CKAP5: variants seen among roughly 807,000 people sequenced by gnomAD.
CKAP5 encodes cytoskeleton associated protein 5.
CKAP5 carries 27 observed loss-of-function variants against 232.8 expected under a neutral mutation model. The observed-to-expected ratio is 0.12, with a 90% CI of 0.09 to 0.16. The LOEUF is 0.16. Among genes scored for constraint, CKAP5 ranks in the 10% least tolerant of loss-of-function variants. CKAP5 has a pLI of 1.00. For missense variants in CKAP5, 1,838 were observed against 2,424.7 expected (o/e 0.76, Z 5.08); for synonymous variants, 785 against 841.1 (o/e 0.93, Z 1.16).
Position 46,809,755 on chromosome 11 carries a change from T to C in CKAP5, c.750A>G (p.Gly250=). ...AAATTGGCTTACCTCCTTCAGCATC[T>C]CCACCAGCAGACTGTTGTTGTTCCA... ...AKLEQQQSAG[G]DAEGGGDDGD... Residue 250 remains glycine (G), a synonymous_variant, in exon 6 of 44, where the codon GGA becomes GGG. Transcript: ENST00000529230. The C allele has an allele frequency of 6.2e-7, 1 of 1,613,754 alleles. No individual in the cohort carries two copies. The highest frequency in any genetic ancestry group is 8.5e-7 in the Non-Finnish European group (1 of 1,179,948).
At position 46,762,692 on chromosome 11, in the gene CKAP5, G is replaced by C. The variant is rs768003233; in HGVS notation, c.3962C>G (p.Pro1321Arg). 1 of 1,613,992 alleles carries C rather than the reference G, an allele frequency of 6.2e-7. No individual in the cohort carries two copies. The highest frequency in any genetic ancestry group is 8.5e-7 in the Non-Finnish European group (1 of 1,179,852). The change falls in exon 31 of 44, where the codon CCA becomes CGA. Residue 1321 changes from proline (P) to arginine (R), a missense_variant. This residue lies in a region of CKAP5 where 579 missense variants were observed against 843.2 expected (regional missense o/e 0.69). Coordinates refer to ENST00000529230, the MANE Select transcript of CKAP5 (RefSeq NM_001008938.4). ...GATAAAGGGAAACATCTTGCTAGCT[G>C]GGTAGACAAGGCACATCCGGTTCAG... ...AILNRMCLVY[P>R]ASKMFPFIME...
intron 14 of CKAP5, 60 bp from the exon 15 acceptor site, chr11:46,790,246 C>G: frequency 8.6e-7 from 1 of 1,166,328 alleles, no homozygotes; most frequent in Non-Finnish European, 1.3e-6. Context: ...ATGACAAGAA[C>G]GTAAACATAC....
chr11:46,814,467 A>T (rs1939353766), intron 4 of CKAP5, among the ~76,000 whole-genome samples: 1 of 152,260 alleles, frequency 6.6e-6, no homozygotes, highest in South Asian at 2.1e-4. Context: ...CTTTCACAGA[A>T]GATAAACACC....
At chr11:46,744,691 G>A (rs1460754021) in intron 42 of CKAP5, 114 bp from the exon 43 acceptor site, 5 of 973,678 alleles carry the variant, frequency 5.1e-6, no homozygotes, top group Admixed American at 2.5e-5. Flanking sequence ...ACTTGAAAAC[G>A]ACAAATTCCA....
intron 26 of CKAP5, 108 bp downstream of exon 26, chr11:46,769,855 G>C: frequency 8.2e-7 from 1 of 1,216,136 alleles, no homozygotes; most frequent in Admixed American, 2.1e-5. Context: ...AGGAGAGCTT[G>C]GATCTACGCT....
At chr11:46,830,440 CAAAAAA>C (rs71042623) in intron 1 of CKAP5, among the ~76,000 whole-genome samples, 5 of 67,900 alleles carry the variant, frequency 7.4e-5, no homozygotes, top group African/African-American at 1.1e-4. Flanking sequence ...GACTCCGTCT[CAAAAAA>C]AAAAAAAAAA....
chr11:46,762,362 C>T (rs1019956865), intron 31 of CKAP5, 169 bp from the exon 32 acceptor site: 1 of 883,408 alleles, frequency 1.1e-6, no homozygotes, highest in Non-Finnish European at 1.9e-6. Flanking sequence ...GGTATTTCAG[C>T]AAGTGCTCCT....
intron 1 of CKAP5, among the ~76,000 whole-genome samples, chr11:46,837,171 T>A (rs938265986): frequency 1.3e-5 from 2 of 152,194 alleles, no homozygotes; most frequent in South Asian, 4.1e-4. Context: ...TGTATATCCA[T>A]ATATAATGGA....
chr11:46,838,827 A>C (rs1939980242), intron 1 of CKAP5, among the ~76,000 whole-genome samples: 1 of 145,818 alleles, frequency 6.9e-6, no homozygotes, highest in African/African-American at 2.5e-5. Context: ...AAAATTGCTG[A>C]GCCACCATTG....
rs769924107 is a variant in CKAP5, at chr11:46,753,370, C to T, written c.4997G>A (p.Arg1666His). ...EDLEEGQQVI[R>H]SVNLLVVKVL... ...CTTCACCACCAAGAGGTTCACAGAG[C>T]GGATGACCTGTTGTCCTTCCTCAAG... Residue 1666 changes from arginine to histidine, a missense_variant, in exon 37 of 44, where the codon CGC becomes CAC. By Grantham distance (29) the Arg-to-His change is conservative. Around this residue, in one of 6 missense-constraint regions of CKAP5, gnomAD observed 579 missense variants for 843.2 expected, o/e 0.69. Coordinates refer to ENST00000529230, the MANE Select transcript of CKAP5 (RefSeq NM_001008938.4). The T allele has an allele frequency of 1.2e-6, 2 of 1,613,952 alleles. No individual in the cohort carries two copies. Among genetic ancestry groups the T allele is most frequent in the South Asian group, 1.1e-5 (1 of 91,056 alleles).
chr11:46,781,815 T>C (rs1036057849), intron 18 of CKAP5, among the ~76,000 whole-genome samples: 8 of 152,016 alleles, frequency 5.3e-5, no homozygotes, highest in African/African-American at 1.7e-4. Flanking sequence ...AACATATATA[T>C]GTAAAAAAAA....
In CKAP5 at chr11:46,770,225, G is replaced by A. The variant is rs540791529; in HGVS notation, c.3187-127C>T. The A allele has an allele frequency of 5.5e-6, 5 of 910,808 alleles. No homozygotes were observed. In the South Asian group the frequency reaches 7.7e-5, roughly 14 times the overall value. 56.4% of individuals were successfully genotyped at this position (910,808 alleles called of 1,614,324 possible). A position where few individuals can be genotyped will look rare whatever the true frequency, so the allele number is the denominator to read the frequency against. ...AGTTTTGAAATACCACTGAAGTAAG[G>A]GAGGCAGTACATGGTGTCAGAGAAG... On this transcript the variant is annotated intron_variant, in intron 25 of 43. Transcript: ENST00000529230.
At chr11:46,764,339 T>C (rs1171466345) in intron 28 of CKAP5, among the ~76,000 whole-genome samples, 3 of 152,212 alleles carry the variant, frequency 2.0e-5, no homozygotes, top group Non-Finnish European at 2.9e-5. Context: ...ACAGCAGCAG[T>C]GTTTGTAATA....
At chr11:46,817,049 T>C (rs943849657) in intron 3 of CKAP5, among the ~76,000 whole-genome samples, 1 of 150,602 alleles carries the variant, frequency 6.6e-6, no homozygotes, top group African/African-American at 2.5e-5. Flanking sequence ...GAGGTTGTGG[T>C]GAGCCAAGAT....
At chr11:46,788,654 G>A (rs754075457) in intron 16 of CKAP5, 27 bp downstream of exon 16, 1 of 1,288,794 alleles carries the variant, frequency 7.8e-7, no homozygotes, top group East Asian at 2.3e-5. Context: ...TTCAATAAAA[G>A]ACATCAAATC....
chr11:46,745,658 C>T (rs1325407426), intron 42 of CKAP5, among the ~76,000 whole-genome samples: 3 of 152,108 alleles, frequency 2.0e-5, no homozygotes, highest in African/African-American at 4.8e-5. Context: ...GCCTGGGCAA[C>T]AAAAAGAGAC....
intron 7 of CKAP5, among the ~76,000 whole-genome samples, chr11:46,808,652 A>G (rs2134669672): frequency 6.6e-6 from 1 of 152,376 alleles, no homozygotes; most frequent in South Asian, 2.1e-4. Flanking sequence ...AGATGTTATA[A>G]CTAAAGTAAT....
At chr11:46,817,457 C>G (rs1939429340) in intron 3 of CKAP5, among the ~76,000 whole-genome samples, 1 of 152,108 alleles carries the variant, frequency 6.6e-6, no homozygotes, top group African/African-American at 2.4e-5. Flanking sequence ...TACCGGGAAT[C>G]AGAAGAACTG....
At chr11:46,831,529 TTC>T (rs1293197189) in intron 1 of CKAP5, among the ~76,000 whole-genome samples, 2 of 152,132 alleles carry the variant, frequency 1.3e-5, no homozygotes, top group African/African-American at 4.8e-5. Flanking sequence ...ACAGAAGTCT[TTC>T]TGTTTTTTGT....
Sources: allele counts gnomAD v4.1 joint callset (sites outside exome capture counted in the v4.1 genomes callset), GRCh38; gene constraint gnomAD v4.1.1; regional missense constraint gnomAD v4.1.1; transcripts MANE v1.5; gene names NCBI Gene and HGNC (gene_info 2026-07-23, HGNC 2026-07-21).